The following SLCO2A1 variants were observed in gnomAD, a reference collection of about 807,000 sequenced individuals.
SLCO2A1 encodes solute carrier organic anion transporter family member 2A1.
In SLCO2A1, 60 loss-of-function variants were observed where a neutral mutation model predicts 71.7. The observed-to-expected ratio is 0.84, with a 90% CI of 0.68 to 1.04. SLCO2A1 has a LOEUF of 1.04. Ranked by LOEUF, SLCO2A1 falls within the 50% of genes least tolerant of loss-of-function variation. The pLI is 0.00. For synonymous variants in SLCO2A1, 308 were observed against 326.7 expected, an observed-to-expected ratio of 0.94 and a Z score of 0.62; for missense variants, 745 against 813.4, an observed-to-expected ratio of 0.92 and a Z score of 1.02.
rs541446579 is a variant in SLCO2A1, at chr3:134,011,907, A to G, written c.96+17800T>C. Among the ~76,000 whole-genome samples the G allele has an allele frequency of 7.7e-4, 117 of 152,146 alleles. 1 individual carries two copies. Among genetic ancestry groups the G allele is most frequent in the Middle Eastern group, 6.8e-3 (2 of 292 alleles). The stretch of plus-strand genomic sequence containing the variant: ...GAGGGAGGCGGGGGTAAGAAGGAGG[A>G]GTGTGAGAGATGACGTGGGCACAGA... On this transcript the variant is annotated intron_variant, in intron 1 of 13. Transcript: ENST00000310926.
At chr3:133,977,455 C>T (rs945803055) in intron 2 of SLCO2A1, among the ~76,000 whole-genome samples, 5 of 152,110 alleles carry the variant, frequency 3.3e-5, no homozygotes, top group Non-Finnish European at 7.3e-5. Context: ...TTTCCGGGCC[C>T]ACATTTTTGT....
intron 3 of SLCO2A1, among the ~76,000 whole-genome samples, chr3:133,959,998 T>C (rs1659001839): frequency 6.6e-6 from 1 of 152,094 alleles, no homozygotes; most frequent in African/African-American, 2.4e-5. Context: ...CTCGCACTTG[T>C]AGTCCCAGCT....
intron 8 of SLCO2A1, 39 bp from the exon 9 acceptor site, chr3:133,947,484 C>T (rs1933617377): frequency 3.2e-6 from 5 of 1,553,188 alleles, no homozygotes; most frequent in Non-Finnish European, 4.4e-6. Flanking sequence ...GGTGCACAGG[C>T]CTGGGACTGC....
intron 2 of SLCO2A1, among the ~76,000 whole-genome samples, chr3:133,976,911 C>T (rs547332616): frequency 1.3e-5 from 2 of 152,290 alleles, no homozygotes; most frequent in African/African-American, 4.8e-5. Context: ...CCTGCTGGTG[C>T]TGGCCTTTTA....
Position 133,945,033 on chromosome 3 carries a change from C to T in SLCO2A1, c.1461+62G>A, listed in dbSNP as rs1486845945. ...GGAGCCGAGAAACAGTCTTTGAGGG[C>T]ATGCGCTGAGCTCCGAGATCCTGTG... On this transcript the variant is annotated intron_variant, in intron 10 of 13. Coordinates refer to ENST00000310926, the MANE Select transcript of SLCO2A1 (RefSeq NM_005630.3). 1.5e-5 allele frequency: 23 copies of T among 1,539,538 alleles called. No individual in the cohort carries two copies. In the Admixed American group the frequency reaches 4.3e-4, roughly 29 times the overall value.
intron 1 of SLCO2A1, among the ~76,000 whole-genome samples, chr3:134,007,231 T>C (rs58005662): frequency 0.024 from 3,634 of 152,366 alleles, 145 homozygotes; most frequent in African/African-American, 0.082. Flanking sequence ...TTTCATCAGA[T>C]ATATGATTTG....
intron 1 of SLCO2A1, among the ~76,000 whole-genome samples, chr3:133,990,059 C>T (rs1934805889): frequency 6.6e-6 from 1 of 152,304 alleles, no homozygotes; most frequent in East Asian, 1.9e-4. Flanking sequence ...TATCTTAATC[C>T]CTTAATCTCA....
intron 1 of SLCO2A1, among the ~76,000 whole-genome samples, chr3:134,019,583 T>C (rs934190998): frequency 1.3e-5 from 2 of 152,186 alleles, no homozygotes; most frequent in African/African-American, 4.8e-5. Flanking sequence ...CTATGCCTCA[T>C]TCCACATAAT....
At chr3:134,027,017 A>G (rs945257830) in intron 1 of SLCO2A1, among the ~76,000 whole-genome samples, 2 of 152,208 alleles carry the variant, frequency 1.3e-5, no homozygotes, top group African/African-American at 2.4e-5. Context: ...TGCTACCTAT[A>G]CTTCTTCAAA....
chr3:133,961,033 C>T (rs35349749), intron 3 of SLCO2A1, among the ~76,000 whole-genome samples: 14,467 of 151,858 alleles, frequency 0.095, 799 homozygotes, highest in Middle Eastern at 0.2. Context: ...GGCCTGGCTG[C>T]CCCTGGAGGA....
At position 133,933,525 on chromosome 3, in the gene SLCO2A1, A is replaced by G. The variant is rs1041719856; in HGVS notation, c.*1188T>C. ...CCTTCGTTGGCTTCTGTCTCTCAAC[A>G]TCTATCACGTAGCAGCTGTGTCTCT... is the stretch of plus-strand genomic sequence containing the variant. On this transcript the variant is annotated 3_prime_UTR_variant, in exon 14 of 14. Coordinates refer to ENST00000310926, the MANE Select transcript of SLCO2A1 (RefSeq NM_005630.3). 2 of 152,216 alleles carry G rather than the reference A, an allele frequency of 1.3e-5. No homozygotes were observed. The highest frequency in any genetic ancestry group is 1.5e-5 in the Non-Finnish European group (1 of 68,072). 9.4% of individuals were successfully genotyped at this position (152,216 alleles called of 1,614,324 possible).
intron 4 of SLCO2A1, among the ~76,000 whole-genome samples, chr3:133,954,653 C>T (rs1933836343): frequency 6.6e-6 from 1 of 152,158 alleles, no homozygotes; most frequent in African/African-American, 2.4e-5. Flanking sequence ...CCATCCAGTG[C>T]CCAACACCAG....
At chr3:133,983,800 A>C (rs1203626342) in intron 1 of SLCO2A1, among the ~76,000 whole-genome samples, 5 of 152,170 alleles carry the variant, frequency 3.3e-5, no homozygotes, top group African/African-American at 1.2e-4. Context: ...CTAGCAGAGG[A>C]ATGAGGGCTG....
At chr3:133,946,581 T>TC (rs1933583961) in intron 9 of SLCO2A1, among the ~76,000 whole-genome samples, 1 of 152,258 alleles carries the variant, frequency 6.6e-6, no homozygotes, top group Non-Finnish European at 1.5e-5. Context: ...CTTCAGCAGC[T>TC]CAATGAAACT....
intron 3 of SLCO2A1, among the ~76,000 whole-genome samples, chr3:133,958,704 C>T (rs1476307879): frequency 6.6e-6 from 1 of 152,234 alleles, no homozygotes; most frequent in Non-Finnish European, 1.5e-5. Context: ...CAACTTTGAC[C>T]AAACGGATGC....
At chr3:133,968,320 C>T (rs1306365549) in intron 3 of SLCO2A1, among the ~76,000 whole-genome samples, 2 of 151,998 alleles carry the variant, frequency 1.3e-5, no homozygotes, top group African/African-American at 2.4e-5. Flanking sequence ...GCCCAAACCA[C>T]GGGTGCCCCT....
At chr3:134,013,999 C>G (rs1446082371) in intron 1 of SLCO2A1, among the ~76,000 whole-genome samples, 1 of 152,112 alleles carries the variant, frequency 6.6e-6, no homozygotes, top group African/African-American at 2.4e-5. Flanking sequence ...CAAGGTAGCC[C>G]TCTCTGATAA....
chr3:133,941,803 T>G (rs1024358195), intron 11 of SLCO2A1, among the ~76,000 whole-genome samples: 1 of 152,178 alleles, frequency 6.6e-6, no homozygotes, highest in Non-Finnish European at 1.5e-5. Flanking sequence ...ACTCTGACTC[T>G]GAAACTTTCC....
At chr3:134,010,613 G>A (rs534934261) in intron 1 of SLCO2A1, among the ~76,000 whole-genome samples, 1 of 152,072 alleles carries the variant, frequency 6.6e-6, no homozygotes, top group East Asian at 1.9e-4. Flanking sequence ...AATTAGCTGG[G>A]CATGGTGGCA....
Sources: gnomAD v4.1 joint callset for allele counts (sites outside exome capture counted in the v4.1 genomes callset) on GRCh38, gnomAD v4.1.1 for gene constraint, MANE v1.5 for transcripts, NCBI Gene and HGNC (gene_info 2026-07-23, HGNC 2026-07-21) for gene names.